ROBO1: variants seen among roughly 807,000 people sequenced by gnomAD.
The protein encoded by ROBO1 is roundabout homolog 1.
Under a neutral mutation model 195.9 loss-of-function variants are expected in ROBO1, and 149 were observed. That is an observed-to-expected ratio of 0.76 (90% CI 0.67 to 0.87). ROBO1 has a LOEUF of 0.87. ROBO1 is among the 40% of genes least tolerant of loss of function. The pLI is 0.00. For synonymous variants in ROBO1, 816 were observed against 733.2 expected (o/e 1.11, Z -1.82); for missense variants, 1,933 against 2,068.3 (o/e 0.93, Z 1.27).
At chr3:78,682,439 G>C (rs1456399584) in intron 10 of ROBO1, among the ~76,000 whole-genome samples, 1 of 147,460 alleles carries the variant, frequency 6.8e-6, no homozygotes, top group African/African-American at 2.5e-5. Context: ...ATTTTGATAT[G>C]ACTGTGTGTA....
chr3:79,575,168 TATATAA>T (rs1943417224), intron 2 of ROBO1, among the ~76,000 whole-genome samples: 1 of 120,780 alleles, frequency 8.3e-6, no homozygotes, highest in Non-Finnish European at 1.8e-5. Flanking sequence ...ATAACAAATA[TATATAA>T]ATATATATAA....
Position 78,614,808 on chromosome 3 carries a change from G to T in ROBO1, c.4283-8C>A, listed in dbSNP as rs879221380. The T allele has an allele frequency of 1.6e-5, 18 of 1,157,680 alleles. No individual in the cohort carries two copies. Among genetic ancestry groups the T allele is most frequent in the East Asian group, 6.1e-5 (2 of 32,846 alleles). The allele number at this position is 1,157,680 out of a possible 1,614,324, so 71.7% of individuals were successfully genotyped here. A position where few individuals can be genotyped will look rare whatever the true frequency, so the allele number is the denominator to read the frequency against. On this transcript the variant is annotated splice_polypyrimidine_tract_variant and splice_region_variant and intron_variant, in intron 27 of 30. Coordinates refer to ENST00000464233, the MANE Select transcript of ROBO1 (RefSeq NM_002941.4). ...CATGAAAATGTCGACGGCCTAAGGA[G>T]AAAAAAAAAAAAAATCCAAGCCAAA...
At chr3:79,169,585 T>C (rs919463455) in intron 2 of ROBO1, among the ~76,000 whole-genome samples, 2 of 152,138 alleles carry the variant, frequency 1.3e-5, no homozygotes, top group Non-Finnish European at 2.9e-5. Flanking sequence ...TGACTGAAGA[T>C]TATTGTTGAA....
In ROBO1 at chr3:79,598,393, T is replaced by C. The variant is rs145130377; in HGVS notation, c.-50-8432A>G. ...TTGGCAAATAGAGCTAACGTTCTGC[T>C]ATACTCCTAGACTTCCAAAAATTTT... On this transcript the variant is annotated intron_variant, in intron 1 of 30. Transcript: ENST00000464233. 4.0e-4 allele frequency among the ~76,000 whole-genome samples: 61 copies of C among 152,188 alleles called. No homozygotes were observed. In the East Asian group the frequency reaches 9.1e-3, roughly 23 times the overall value.
intron 3 of ROBO1, among the ~76,000 whole-genome samples, chr3:79,123,775 C>T (rs941952518): frequency 1.2e-4 from 18 of 151,874 alleles, no homozygotes; most frequent in African/African-American, 4.3e-4. Flanking sequence ...TTTATTTCCT[C>T]ATGTTAATTT....
At chr3:78,899,404 GTAAA>G (rs780045068) in intron 4 of ROBO1, among the ~76,000 whole-genome samples, 4 of 152,132 alleles carry the variant, frequency 2.6e-5, no homozygotes, top group Non-Finnish European at 5.9e-5. Context: ...TTAAATCATG[GTAAA>G]TAGTTATTTC....
chr3:78,766,909 G>T (rs774777577), intron 4 of ROBO1, among the ~76,000 whole-genome samples: 3 of 152,072 alleles, frequency 2.0e-5, no homozygotes, highest in Non-Finnish European at 4.4e-5. Context: ...TGTTTATATG[G>T]TGTATCGCAT....
intron 23 of ROBO1, 49 bp from the exon 24 acceptor site, chr3:78,634,091 A>C (rs747892437): frequency 8.0e-7 from 1 of 1,254,248 alleles, no homozygotes; most frequent in East Asian, 2.3e-5. Context: ...TCTCTTCATG[A>C]GCGATTTCAC....
At chr3:78,878,717 CTAAA>C (rs2036005018) in intron 4 of ROBO1, among the ~76,000 whole-genome samples, 1 of 144,342 alleles carries the variant, frequency 6.9e-6, no homozygotes, top group Non-Finnish European at 1.5e-5. Flanking sequence ...CATACTTAAG[CTAAA>C]TAGAGTATGT....
intron 2 of ROBO1, among the ~76,000 whole-genome samples, chr3:79,514,462 T>A (rs570357364): frequency 6.6e-6 from 1 of 152,134 alleles, no homozygotes; most frequent in African/African-American, 2.4e-5. Flanking sequence ...TTGGTCAATA[T>A]CATTTTTTTT....
chr3:78,608,020 T>TACACACACACACACACAC lies in ROBO1; in HGVS notation c.4436-997_4436-980dup, dbSNP rs56715450. Among the ~76,000 whole-genome samples, 550 of 149,864 alleles carry TACACACACACACACACAC rather than the reference T, an allele frequency of 3.7e-3. 2 individuals carry two copies. Among genetic ancestry groups the TACACACACACACACACAC allele is most frequent in the African/African-American group, 6.6e-3 (268 of 40,854 alleles). On this transcript the variant is annotated intron_variant, in intron 28 of 30. Coordinates refer to ENST00000464233, the MANE Select transcript of ROBO1 (RefSeq NM_002941.4). The stretch of plus-strand genomic sequence containing the variant: ...GGTATAAATATATGTTAATTTCATT[T>TACACACACACACACACAC]ACACACACACACACACACACACACA...
At chr3:79,429,349 G>A (rs1045737881) in intron 2 of ROBO1, among the ~76,000 whole-genome samples, 9 of 152,116 alleles carry the variant, frequency 5.9e-5, no homozygotes, top group East Asian at 3.9e-4. Flanking sequence ...GAGCTGGACC[G>A]TAAAGCCAGG....
At chr3:78,850,602 C>G (rs948174089) in intron 4 of ROBO1, among the ~76,000 whole-genome samples, 1 of 151,788 alleles carries the variant, frequency 6.6e-6, no homozygotes, top group Non-Finnish European at 1.5e-5. Flanking sequence ...GAACAAAAAT[C>G]CCATAGAAAC....
chr3:78,722,045 G>A (rs78147937), intron 5 of ROBO1, among the ~76,000 whole-genome samples: 7 of 151,886 alleles, frequency 4.6e-5, no homozygotes, highest in South Asian at 2.1e-4. Flanking sequence ...AGCTATAAAG[G>A]CCTAAGGAAT....
chr3:79,633,588 A>G (rs898459878), intron 1 of ROBO1, among the ~76,000 whole-genome samples: 8 of 152,210 alleles, frequency 5.3e-5, no homozygotes, highest in African/African-American at 1.9e-4. Context: ...TCTCCAAATC[A>G]TTAGAAACCT....
At chr3:78,771,365 C>A (rs1016710081) in intron 4 of ROBO1, among the ~76,000 whole-genome samples, 1 of 152,058 alleles carries the variant, frequency 6.6e-6, no homozygotes, top group Non-Finnish European at 1.5e-5. Flanking sequence ...CTTAGCATTG[C>A]TTTGGAATTC....
chr3:78,937,797 T>C (rs1490715573), intron 4 of ROBO1, among the ~76,000 whole-genome samples: 1 of 152,100 alleles, frequency 6.6e-6, no homozygotes, highest in Non-Finnish European at 1.5e-5. Context: ...GAAAATAAAA[T>C]ATAAGGCATA....
chr3:79,560,535 T>TTTTATATATATATA (rs1553764936), intron 2 of ROBO1, among the ~76,000 whole-genome samples: 2 of 115,226 alleles, frequency 1.7e-5, no homozygotes, highest in African/African-American at 7.9e-5. Flanking sequence ...ATAATAATAA[T>TTTTATATATATATA]TATATATATA....
intron 1 of ROBO1, among the ~76,000 whole-genome samples, chr3:79,704,912 C>G (rs562215487): frequency 6.6e-6 from 1 of 151,940 alleles, no homozygotes; most frequent in South Asian, 2.1e-4. Context: ...TCATTGTTGT[C>G]GTCTGCGTTT....
Sources: allele counts gnomAD v4.1 joint callset (sites outside exome capture counted in the v4.1 genomes callset), GRCh38; gene constraint gnomAD v4.1.1; transcripts MANE v1.5; gene names NCBI Gene and HGNC (gene_info 2026-07-23, HGNC 2026-07-21).